Variants in ZNF423 observed in about 807,000 individuals in gnomAD.
The protein encoded by ZNF423 is zinc finger protein 423, also known as Ebf-associated zinc finger protein.
In ZNF423, 12 loss-of-function variants were observed where a neutral mutation model predicts 95.8. The ratio of observed to expected loss-of-function variants is 0.13; its 90% CI spans 0.08 to 0.20. The LOEUF is 0.20. Ranked by LOEUF, ZNF423 falls within the 10% of genes least tolerant of loss-of-function variation. The pLI, the probability that ZNF423 is intolerant of heterozygous loss-of-function variation, is 1.00. For missense variants in ZNF423, 1,316 were observed against 1,737.1 expected (o/e 0.76, Z 4.31); for synonymous variants, 749 against 711.9 (o/e 1.05, Z -0.83).
chr16:49,853,281 G>T (rs1292034296), intron 1 of ZNF423, among the ~76,000 whole-genome samples: 1 of 125,124 alleles, frequency 8.0e-6, no homozygotes, highest in Admixed American at 9.3e-5. Context: ...TTTGAATATT[G>T]CTTAAGAGAA....
chr16:49,744,141 C>A (rs920180842), intron 2 of ZNF423, among the ~76,000 whole-genome samples: 1 of 152,188 alleles, frequency 6.6e-6, no homozygotes, highest in Non-Finnish European at 1.5e-5. Flanking sequence ...GGCTTTCTGC[C>A]GACTTCCCGT....
At chr16:49,704,179 G>T (rs1172457907) in intron 3 of ZNF423, among the ~76,000 whole-genome samples, 1 of 152,102 alleles carries the variant, frequency 6.6e-6, no homozygotes, top group Non-Finnish European at 1.5e-5. Flanking sequence ...ATAGCCAGAG[G>T]GGGAACACAG....
At chr16:49,842,007 C>T (rs1477609093) in intron 1 of ZNF423, among the ~76,000 whole-genome samples, 2 of 151,924 alleles carry the variant, frequency 1.3e-5, no homozygotes, top group Non-Finnish European at 2.9e-5. Context: ...GAGGCCCATG[C>T]GGGCGGATCA....
intron 3 of ZNF423, among the ~76,000 whole-genome samples, chr16:49,700,012 T>A (rs2032115486): frequency 6.6e-6 from 1 of 151,920 alleles, no homozygotes; most frequent in Non-Finnish European, 1.5e-5. Context: ...GGCGAGGGGC[T>A]GGGCTAGAAG....
At chr16:49,618,573 C>T (rs1047239773) in intron 5 of ZNF423, among the ~76,000 whole-genome samples, 1 of 152,292 alleles carries the variant, frequency 6.6e-6, no homozygotes, top group East Asian at 1.9e-4. Flanking sequence ...GTGCTTGCTT[C>T]CCCTTCCACT....
intron 1 of ZNF423, among the ~76,000 whole-genome samples, chr16:49,828,301 G>A (rs769927358): frequency 1.2e-4 from 19 of 152,188 alleles, no homozygotes; most frequent in Non-Finnish European, 2.4e-4. Context: ...TGAATAGTCC[G>A]TTTGTTGGAA....
At chr16:49,696,299 A>T (rs2031967899) in intron 3 of ZNF423, among the ~76,000 whole-genome samples, 2 of 152,204 alleles carry the variant, frequency 1.3e-5, no homozygotes, top group Non-Finnish European at 2.9e-5. Context: ...AGTGACAGGC[A>T]TCCTCATACA....
At chr16:49,820,106 A>G (rs1255037300) in intron 1 of ZNF423, among the ~76,000 whole-genome samples, 2 of 152,018 alleles carry the variant, frequency 1.3e-5, no homozygotes, top group African/African-American at 4.8e-5. Context: ...GAATGGATGG[A>G]CAGATGGATG....
intron 7 of ZNF423, among the ~76,000 whole-genome samples, chr16:49,497,041 C>T (rs1048306004): frequency 6.6e-6 from 1 of 152,128 alleles, no homozygotes; most frequent in Non-Finnish European, 1.5e-5. Context: ...TGTCATTATC[C>T]CCTCCCCATA....
At chr16:49,725,881 G>T (rs1243157342) in intron 3 of ZNF423, among the ~76,000 whole-genome samples, 1 of 152,218 alleles carries the variant, frequency 6.6e-6, no homozygotes, top group Non-Finnish European at 1.5e-5. Context: ...CCCGCCAGGA[G>T]CCTGGCCCAA....
At chr16:49,522,528 A>T (rs1415409810) in intron 7 of ZNF423, among the ~76,000 whole-genome samples, 1 of 151,978 alleles carries the variant, frequency 6.6e-6, no homozygotes, top group Non-Finnish European at 1.5e-5. Flanking sequence ...GGACACAGAG[A>T]CCGAGAGGAG....
At chr16:49,564,040 G>A (rs1970102802) in intron 5 of ZNF423, among the ~76,000 whole-genome samples, 1 of 152,198 alleles carries the variant, frequency 6.6e-6, no homozygotes, top group African/African-American at 2.4e-5. Context: ...GTGTTTCCTT[G>A]ATGACCAACT....
rs1464181357 is a variant in ZNF423 at position 49,801,307 on chromosome 16, C to T, written c.41-11761G>A. Among the ~76,000 whole-genome samples the T allele has an allele frequency of 4.6e-5, 7 of 152,350 alleles. No individual in the cohort carries two copies. In the East Asian group the frequency reaches 7.7e-4, roughly 17 times the overall value. ...AACTGTCTGGCACTGGAGGCTTTTA[C>T]AGATGTTTCCTCAGCTCCTGCCTGA... On this transcript the variant is annotated intron_variant, in intron 1 of 7. Coordinates refer to ENST00000563137, the MANE Select transcript of ZNF423 (RefSeq NM_001379286.1).
chr16:49,844,020 A>G (rs182139864), intron 1 of ZNF423, among the ~76,000 whole-genome samples: 43 of 152,256 alleles, frequency 2.8e-4, no homozygotes, highest in African/African-American at 1.0e-3. Flanking sequence ...AAGTCCAGGC[A>G]CAGAGGCGTA....
At chr16:49,557,010 T>C (rs994384766) in intron 5 of ZNF423, among the ~76,000 whole-genome samples, 11 of 152,236 alleles carry the variant, frequency 7.2e-5, no homozygotes, top group African/African-American at 2.7e-4. Flanking sequence ...CATATCTGAC[T>C]GTTTTCAGCT....
At chr16:49,599,979 T>C (rs999776602) in intron 5 of ZNF423, among the ~76,000 whole-genome samples, 1 of 152,152 alleles carries the variant, frequency 6.6e-6, no homozygotes, top group Non-Finnish European at 1.5e-5. Context: ...TATCACGCAA[T>C]ACCATAAGAT....
At chr16:49,761,106 A>G (rs187958876) in intron 2 of ZNF423, among the ~76,000 whole-genome samples, 10 of 152,152 alleles carry the variant, frequency 6.6e-5, no homozygotes, top group Non-Finnish European at 1.3e-4. Context: ...TTGCCTCCCA[A>G]ACACAGTGTG....
At chr16:49,857,052 C>T (rs539548477), upstream of ZNF423, among the ~76,000 whole-genome samples, 1 of 150,476 alleles carries the variant, frequency 6.6e-6, no homozygotes, top group Non-Finnish European at 1.5e-5. This position sits in a 1 kb window ranked among gnomAD's most constrained non-coding sequence, Gnocchi z 6.2. Flanking sequence ...TTTGTGGTCG[C>T]TGGCTCTCCT....
chr16:49,591,430 CA>C (rs1847078644), intron 5 of ZNF423, among the ~76,000 whole-genome samples: 1 of 150,980 alleles, frequency 6.6e-6, no homozygotes, highest in Non-Finnish European at 1.5e-5. Context: ...CATAAATATG[CA>C]AAAACAGTAT....
Sources: allele counts gnomAD v4.1 joint callset (sites outside exome capture counted in the v4.1 genomes callset), GRCh38; gene constraint gnomAD v4.1.1; non-coding constraint Gnocchi (gnomAD v3.1); transcripts MANE v1.5; gene names NCBI Gene and HGNC (gene_info 2026-07-23, HGNC 2026-07-21).